LARGE1: variants seen among roughly 807,000 people sequenced by gnomAD.
The protein encoded by LARGE1 is xylosyl- and glucuronyltransferase LARGE1.
Under a neutral mutation model 87.6 loss-of-function variants are expected in LARGE1, and 43 were observed. The ratio of observed to expected loss-of-function variants is 0.49; its 90% CI spans 0.38 to 0.63. LARGE1 has a LOEUF of 0.63. Among genes scored for constraint, LARGE1 ranks in the 30% least tolerant of loss-of-function variants. LARGE1 has a pLI of 0.00. For synonymous variants in LARGE1, 434 were observed against 394.6 expected (o/e 1.10, Z -1.18); for missense variants, 802 against 1,000.2 (o/e 0.80, Z 2.67).
At chr22:33,176,935 A>G (rs1259576097) in intron 11 of LARGE1, among the ~76,000 whole-genome samples, 1 of 152,218 alleles carries the variant, frequency 6.6e-6, no homozygotes, top group East Asian at 1.9e-4. Context: ...AGACTGGATA[A>G]AGAAAATGTG....
intron 6 of LARGE1, among the ~76,000 whole-genome samples, chr22:33,485,218 C>CTT (rs35927122): frequency 9.7e-6 from 1 of 103,186 alleles, no homozygotes; most frequent in East Asian, 2.8e-4. Context: ...CGGTCTGAGT[C>CTT]TTTTTTTTTT....
At chr22:33,428,222 T>C (rs5998939) in intron 7 of LARGE1, among the ~76,000 whole-genome samples, 5,338 of 152,102 alleles carry the variant, frequency 0.035, 294 homozygotes, top group African/African-American at 0.12. Flanking sequence ...AAGACCAAGA[T>C]TTACTAAGTA....
intron 11 of LARGE1, among the ~76,000 whole-genome samples, chr22:33,170,824 C>G (rs1348222320): frequency 6.6e-6 from 1 of 152,098 alleles, no homozygotes; most frequent in African/African-American, 2.4e-5. Flanking sequence ...GTGGGTACTG[C>G]TATAAAGGTA....
At chr22:33,837,656 G>A (rs1431130848) in intron 1 of LARGE1, among the ~76,000 whole-genome samples, 2 of 152,188 alleles carry the variant, frequency 1.3e-5, no homozygotes, top group Non-Finnish European at 2.9e-5. Context: ...AGGATGCCTC[G>A]GAAGAAGAGC....
chr22:33,268,255 G>A (rs16992022), downstream of LARGE1, among the ~76,000 whole-genome samples: 9,475 of 148,088 alleles, frequency 0.064, 1,303 homozygotes, highest in African/African-American at 0.22. Context: ...TGCCCGGCCC[G>A]CAAAAGTCAA....
chr22:33,106,965 C>T, the LARGE1 span, among the ~76,000 whole-genome samples: 3 of 152,172 alleles, frequency 2.0e-5, no homozygotes, highest in Non-Finnish European at 4.4e-5. Flanking sequence ...TGTAGTTTTT[C>T]CCAGACAGCA....
At chr22:33,762,517 C>A (rs918225000) in intron 1 of LARGE1, among the ~76,000 whole-genome samples, 1 of 152,168 alleles carries the variant, frequency 6.6e-6, no homozygotes, top group South Asian at 2.1e-4. Context: ...ACCCTAGTCA[C>A]AACTGAAAGC....
intron 3 of LARGE1, among the ~76,000 whole-genome samples, chr22:33,634,979 G>A (rs561232427): frequency 2.0e-5 from 3 of 152,152 alleles, no homozygotes; most frequent in South Asian, 2.1e-4. Flanking sequence ...TTAGCCAGGC[G>A]CAGTGGCGGG....
intron 1 of LARGE1, among the ~76,000 whole-genome samples, chr22:33,828,068 G>A (rs1358574482): frequency 1.3e-5 from 2 of 152,190 alleles, no homozygotes; most frequent in Non-Finnish European, 2.9e-5. Flanking sequence ...TGAGATGGCG[G>A]AAGGGGACAA....
intron 11 of LARGE1, among the ~76,000 whole-genome samples, chr22:33,218,007 G>T (rs1925286373): frequency 1.3e-5 from 2 of 151,720 alleles, no homozygotes; most frequent in Admixed American, 6.6e-5. Flanking sequence ...TTGGCTCACT[G>T]TAGCCTCTGC....
At chr22:33,604,739 G>C (rs1319760379) in intron 4 of LARGE1, among the ~76,000 whole-genome samples, 181 bp from the exon 5 acceptor site, 2 of 152,152 alleles carry the variant, frequency 1.3e-5, no homozygotes, top group African/African-American at 4.8e-5. Flanking sequence ...CTGAAAAGGA[G>C]AGAAGTCATC....
Position 33,877,405 on chromosome 22 carries a change from G to C in LARGE1, c.-83+42590C>G, listed in dbSNP as rs2064500855. 2.0e-5 allele frequency among the ~76,000 whole-genome samples: 3 copies of C among 152,078 alleles called. No homozygotes were observed. In the South Asian group the frequency reaches 6.2e-4, roughly 32 times the overall value. On this transcript the variant is annotated intron_variant, in intron 1 of 14. Transcript: ENST00000397394. The stretch of plus-strand genomic sequence containing the variant: ...AAAAAATTTTTTTTCCCAAGATTTT[G>C]TAAGAAACTAGCACAGCAGGGCTCT...
chr22:33,242,356 T>G (rs1461463074), intron 11 of LARGE1, among the ~76,000 whole-genome samples: 1 of 152,202 alleles, frequency 6.6e-6, no homozygotes, highest in Non-Finnish European at 1.5e-5. Context: ...CTTCTAGTCT[T>G]AATGCACTTC....
chr22:33,081,580 C>A, the LARGE1 span, among the ~76,000 whole-genome samples: 2 of 152,238 alleles, frequency 1.3e-5, no homozygotes, highest in African/African-American at 4.8e-5. Context: ...ATAAAATATA[C>A]CAGGGATTTT....
intron 12 of LARGE1, among the ~76,000 whole-genome samples, chr22:33,295,139 G>A (rs1356503993): frequency 2.0e-5 from 3 of 152,272 alleles, no homozygotes; most frequent in South Asian, 2.1e-4. Context: ...TCATATTCTC[G>A]TGGATGCTCG....
chr22:33,108,398 G>T, the LARGE1 span: 1 of 152,022 alleles, frequency 6.6e-6, no homozygotes, highest in African/African-American at 2.4e-5. Context: ...GTGACCCCAG[G>T]GCATAGAAGA....
At chr22:33,827,721 C>T (rs8141729) in intron 1 of LARGE1, among the ~76,000 whole-genome samples, 32 of 147,686 alleles carry the variant, frequency 2.2e-4, no homozygotes, top group African/African-American at 7.5e-4. Flanking sequence ...GGGCCCGTCA[C>T]GGAGACTGGG....
rs558439659 is a variant in LARGE1 at position 33,869,050 on chromosome 22, G to A, written c.-83+50945C>T. Among the ~76,000 whole-genome samples the A allele has an allele frequency of 6.6e-5, 10 of 152,244 alleles. No homozygotes were observed. The East Asian group carries it at 1.9e-3, about 29-fold the overall frequency. ...GAATGTAGACAGGGAGAGCAAAAGG[G>A]GGAAAGAAGGGAGACCCTTTCATTT... is the stretch of plus-strand genomic sequence containing the variant. On this transcript the variant is annotated intron_variant, in intron 1 of 14. Transcript: ENST00000397394.
rs547829894 is a variant in LARGE1 at position 33,583,549 on chromosome 22, C to T, written c.616-18530G>A. 3.9e-5 allele frequency among the ~76,000 whole-genome samples: 6 copies of T among 152,224 alleles called. No individual in the cohort carries two copies. The South Asian group carries it at 1.0e-3, about 26-fold the overall frequency. Reference sequence around the variant, plus strand: ...AGCTGGCAACCTGTTGCAAGTTACCCGATAAATAAGAAAATTAGAACCTCG... The same window carrying T: ...AGCTGGCAACCTGTTGCAAGTTACCTGATAAATAAGAAAATTAGAACCTCG... On this transcript the variant is annotated intron_variant, in intron 5 of 14. Coordinates refer to ENST00000397394, the MANE Select transcript of LARGE1 (RefSeq NM_133642.5).
Sources: allele counts gnomAD v4.1 joint callset (sites outside exome capture counted in the v4.1 genomes callset), GRCh38; gene constraint gnomAD v4.1.1; transcripts MANE v1.5; gene names NCBI Gene and HGNC (gene_info 2026-07-23, HGNC 2026-07-21).